CTNNA2: variants seen among roughly 807,000 people sequenced by gnomAD.
CTNNA2 encodes the protein catenin alpha-2.
In CTNNA2, 42 loss-of-function variants were observed where a neutral mutation model predicts 101.0. The observed-to-expected ratio is 0.42, with a 90% CI of 0.32 to 0.54. CTNNA2 has a LOEUF of 0.54. Ranked by LOEUF, CTNNA2 falls within the 20% of genes least tolerant of loss-of-function variation. The pLI, the probability that CTNNA2 is intolerant of heterozygous loss-of-function variation, is 0.14. For missense variants in CTNNA2, 871 were observed against 1,223.1 expected (o/e 0.71, Z 4.29); for synonymous variants, 450 against 456.4 (o/e 0.99, Z 0.18).
intron 1 of CTNNA2, chr2:79,547,992 T>C (rs1426595005): frequency 6.6e-6 from 1 of 152,226 alleles, no homozygotes; most frequent in Admixed American, 6.5e-5. Context: ...ATATTCATGG[T>C]GTTTGTCTTT....
At chr2:79,433,480 T>C (rs546678248) in intron 4 of CTNNA2, among the ~76,000 whole-genome samples, 6 of 152,206 alleles carry the variant, frequency 3.9e-5, no homozygotes, top group Admixed American at 2.0e-4. Context: ...AAAATATTCA[T>C]ATAAACACCA....
intron 1 of CTNNA2, among the ~76,000 whole-genome samples, chr2:79,521,121 T>G (rs1672084645): frequency 9.1e-4 from 4 of 4,374 alleles, no homozygotes. Flanking sequence ...TATATATATA[T>G]ATATATATAT....
chr2:79,667,094 A>G (rs1464383452), intron 2 of CTNNA2, among the ~76,000 whole-genome samples: 2 of 152,346 alleles, frequency 1.3e-5, no homozygotes, highest in East Asian at 1.9e-4. Context: ...GGGTTCTTCA[A>G]AGTCATCGCT....
intron 7 of CTNNA2, among the ~76,000 whole-genome samples, chr2:80,345,277 A>G (rs1672633790): frequency 6.6e-6 from 1 of 152,164 alleles, no homozygotes; most frequent in South Asian, 2.1e-4. Context: ...CACTAGCCCC[A>G]TTGCCATTCT....
chr2:80,601,409 C>A lies in CTNNA2; in HGVS notation c.2190-2665C>A, dbSNP rs374912881. On this transcript the variant is annotated intron_variant, in intron 15 of 18. Transcript: ENST00000402739. ...ACCACCTGGATTTAATGACTTTTTT[C>A]TTTCTTTCTTTCTTTTTTTTTTTTT... Among the ~76,000 whole-genome samples the A allele has an allele frequency of 2.9e-3, 352 of 121,008 alleles. 2 individuals carry two copies. The highest frequency in any genetic ancestry group is 0.011 in the African/African-American group (348 of 32,690). 79.4% of individuals were successfully genotyped at this position (121,008 alleles called of 152,430 possible).
At chr2:79,732,222 T>C (rs1687244425) in intron 2 of CTNNA2, among the ~76,000 whole-genome samples, 1 of 152,080 alleles carries the variant, frequency 6.6e-6, no homozygotes, top group South Asian at 2.1e-4. Flanking sequence ...CTCCATGTTG[T>C]TTGTTTTCTG....
chr2:80,461,005 G>A (rs1865322), intron 9 of CTNNA2, among the ~76,000 whole-genome samples: 50,481 of 151,916 alleles, frequency 0.33, 9,202 homozygotes, highest in East Asian at 0.74. Context: ...CTTTCTAACC[G>A]CTTCTTTTAG....
intron 18 of CTNNA2, among the ~76,000 whole-genome samples, chr2:80,645,634 G>A (rs986376940): frequency 1.3e-5 from 2 of 152,114 alleles, no homozygotes; most frequent in African/African-American, 2.4e-5. Context: ...CCCGGGTGAT[G>A]CTGATGCTGT....
intron 18 of CTNNA2, among the ~76,000 whole-genome samples, chr2:80,645,122 T>C (rs1673927661): frequency 6.6e-6 from 1 of 152,172 alleles, no homozygotes; most frequent in Non-Finnish European, 1.5e-5. Context: ...CCAAAGCAAA[T>C]CAATGAAACG....
At chr2:79,278,142 C>T (rs1675262040) in intron 2 of CTNNA2, among the ~76,000 whole-genome samples, 1 of 152,080 alleles carries the variant, frequency 6.6e-6, no homozygotes, top group Non-Finnish European at 1.5e-5. Flanking sequence ...TCCTACTTCA[C>T]TGTATGGCCC....
At chr2:80,116,865 C>T (rs1701552444) in intron 7 of CTNNA2, among the ~76,000 whole-genome samples, 4 of 150,318 alleles carry the variant, frequency 2.7e-5, no homozygotes, top group Admixed American at 2.7e-4. Context: ...TAATACATGC[C>T]TAATCCAATC....
chr2:80,528,894 T>C (rs953813737), intron 9 of CTNNA2, among the ~76,000 whole-genome samples: 10 of 152,160 alleles, frequency 6.6e-5, no homozygotes, highest in Admixed American at 3.9e-4. Context: ...GATTAGACTT[T>C]TGGAAAAGCT....
At chr2:80,076,417 CACAGATAT>C (rs1306972507) in intron 7 of CTNNA2, among the ~76,000 whole-genome samples, 3 of 151,738 alleles carry the variant, frequency 2.0e-5, no homozygotes, top group Non-Finnish European at 4.4e-5. Flanking sequence ...TAGCTGGGAC[CACAGATAT>C]GTGCCACCAT....
At chr2:79,630,614 G>A (rs1679625412) in intron 1 of CTNNA2, among the ~76,000 whole-genome samples, 1 of 152,272 alleles carries the variant, frequency 6.6e-6, no homozygotes, top group East Asian at 1.9e-4. Context: ...GCTAAAAGAA[G>A]AATTTGGGAT....
At chr2:80,445,503 T>C (rs1302954456) in intron 9 of CTNNA2, among the ~76,000 whole-genome samples, 1 of 152,170 alleles carries the variant, frequency 6.6e-6, no homozygotes, top group Non-Finnish European at 1.5e-5. Flanking sequence ...AGCTTAATAT[T>C]GCTGCTTTAA....
At chr2:79,963,145 T>C (rs1468517095) in intron 7 of CTNNA2, among the ~76,000 whole-genome samples, 1 of 151,582 alleles carries the variant, frequency 6.6e-6, no homozygotes, top group East Asian at 1.9e-4. Context: ...CTAAAGATTG[T>C]GTTCTAAATG....
At chr2:80,423,442 A>C (rs1163632050) in intron 9 of CTNNA2, among the ~76,000 whole-genome samples, 1 of 151,984 alleles carries the variant, frequency 6.6e-6, no homozygotes, top group Non-Finnish European at 1.5e-5. Flanking sequence ...TTTTTTTTAA[A>C]TTTCTAGTTG....
chr2:79,621,773 G>A (rs1429897206), intron 1 of CTNNA2, among the ~76,000 whole-genome samples: 1 of 152,102 alleles, frequency 6.6e-6, no homozygotes, highest in Non-Finnish European at 1.5e-5. Context: ...CCTCAGCCAG[G>A]TGATCAAATT....
At chr2:79,506,396 A>C (rs1671414890) in intron 5 of CTNNA2, among the ~76,000 whole-genome samples, 1 of 152,116 alleles carries the variant, frequency 6.6e-6, no homozygotes, top group Admixed American at 6.5e-5. Flanking sequence ...TTTCTCTTCC[A>C]TCAGCAGGGA....
Sources: gnomAD v4.1 joint callset for allele counts (sites outside exome capture counted in the v4.1 genomes callset) on GRCh38, gnomAD v4.1.1 for gene constraint, MANE v1.5 for transcripts, NCBI Gene and HGNC (gene_info 2026-07-23, HGNC 2026-07-21) for gene names.